CPEB2: variants seen among roughly 807,000 people sequenced by gnomAD.
CPEB2 encodes the protein cytoplasmic polyadenylation element-binding protein 2.
CPEB2 carries 56 observed loss-of-function variants against 93.6 expected under a neutral mutation model. That is an observed-to-expected ratio of 0.60 (90% confidence interval 0.48 to 0.75). The LOEUF is 0.75. Among genes scored for constraint, CPEB2 ranks in the 30% least tolerant of loss-of-function variants. The pLI, the probability that CPEB2 is intolerant of heterozygous loss-of-function variation, is 0.00. For missense variants in CPEB2, 1,579 were observed against 1,395.1 expected, an observed-to-expected ratio of 1.13 and a Z score of -2.10; for synonymous variants, 764 against 586.3, an observed-to-expected ratio of 1.30 and a Z score of -4.38.
rs2108935218 is a variant in CPEB2 at position 15,003,840 on chromosome 4, G to A, written c.1167G>A (p.Ser389=). Residue 389 remains serine, a synonymous_variant, in exon 1 of 12, where the codon TCG becomes TCA. Transcript: ENST00000538197. ...CCCCCTGGTCGGTGCAGACCGCGTC[G>A]CCGCCACCCCAGCCCCAGCAGCCGC... is the stretch of plus-strand genomic sequence containing the variant. The part of the protein sequence containing the change: ...FGTPWSVQTA[S]PPPQPQQPPP... 3 of 900,942 alleles carry A rather than the reference G, an allele frequency of 3.3e-6. No individual in the cohort carries two copies. The highest frequency in any genetic ancestry group is 4.4e-6 in the Non-Finnish European group (3 of 685,964). The allele number at this position is 900,942 out of a possible 1,614,324, so 55.8% of individuals were successfully genotyped here.
At chr4:15,061,315 GT>G (rs1729169185) in intron 10 of CPEB2, among the ~76,000 whole-genome samples, 1 of 152,054 alleles carries the variant, frequency 6.6e-6, no homozygotes. Context: ...ACATTGAAAA[GT>G]TAAGGCGTTT....
In CPEB2 at chr4:15,007,286, A is replaced by G. The variant is rs574028430; in HGVS notation, c.1663-19A>G. 1.1e-5 allele frequency: 16 copies of G among 1,416,206 alleles called. No homozygotes were observed. Among genetic ancestry groups the G allele is most frequent in the Non-Finnish European group, 1.5e-5 (16 of 1,076,856 alleles). 87.7% of individuals were successfully genotyped at this position (1,416,206 alleles called of 1,614,324 possible). A position where few individuals can be genotyped will look rare whatever the true frequency, so the allele number is the denominator to read the frequency against. ...AAATTCTTTAAATGCCGCAATTTAA[A>G]TAGCTATGTTTTCCCTAGCCTCTTC... On this transcript the variant is annotated intron_variant, in intron 1 of 11. Coordinates refer to ENST00000538197, the MANE Select transcript of CPEB2 (RefSeq NM_001177382.2).
rs56945294 is a variant in CPEB2 at position 15,018,936 on chromosome 4, T to TTATATATATATA, written c.2125+1681_2125+1692dup. 1.7e-3 allele frequency among the ~76,000 whole-genome samples: 230 copies of TTATATATATATA among 133,048 alleles called. 1 individual carries two copies. Among genetic ancestry groups the TTATATATATATA allele is most frequent in the African/African-American group, 4.5e-3 (160 of 35,802 alleles). 87.3% of individuals were successfully genotyped at this position (133,048 alleles called of 152,430 possible). On this transcript the variant is annotated intron_variant, in intron 4 of 11. Transcript: ENST00000538197. ...AAGCATTATAAGGCTAAGGGGAATT[T>TTATATATATATA]TATATATATATATATATATATATAT...
intron 11 of CPEB2, among the ~76,000 whole-genome samples, 190 bp from the exon 12 acceptor site, chr4:15,065,960 TTGC>T (rs1729669226): frequency 1.3e-5 from 2 of 152,106 alleles, no homozygotes; most frequent in South Asian, 4.1e-4. Context: ...GTGGAATGTT[TTGC>T]AAATCAGATT....
intron 6 of CPEB2, among the ~76,000 whole-genome samples, chr4:15,041,289 T>G (rs898667851): frequency 4.6e-5 from 7 of 152,160 alleles, no homozygotes; most frequent in African/African-American, 1.7e-4. Flanking sequence ...AATCATGATG[T>G]TTATATTGTT....
intron 4 of CPEB2, among the ~76,000 whole-genome samples, chr4:15,029,992 A>G (rs747053018): frequency 6.6e-6 from 1 of 152,020 alleles, no homozygotes; most frequent in Admixed American, 6.6e-5. Flanking sequence ...TGGGCTATGT[A>G]TGTAGTTTTT....
intron 6 of CPEB2, among the ~76,000 whole-genome samples, chr4:15,046,937 A>T (rs1727760694): frequency 6.6e-6 from 1 of 152,212 alleles, no homozygotes; most frequent in African/African-American, 2.4e-5. Context: ...TTTGCATTTA[A>T]GTCTGTGATC....
At chr4:15,028,051 A>T in intron 4 of CPEB2, among the ~76,000 whole-genome samples, 1 of 152,116 alleles carries the variant, frequency 6.6e-6, no homozygotes, top group Non-Finnish European at 1.5e-5. Context: ...TTCTAATGTG[A>T]TTTAAATGTT....
At chr4:15,054,325 T>C (rs912088919) in intron 8 of CPEB2, 108 bp downstream of exon 8, 1 of 778,456 alleles carries the variant, frequency 1.3e-6, no homozygotes, top group East Asian at 2.6e-5. Context: ...TTGCTATGAT[T>C]TGATAATTTC....
At chr4:15,033,052 C>A in intron 4 of CPEB2, 109 bp from the exon 5 acceptor site, 1 of 688,146 alleles carries the variant, frequency 1.5e-6, no homozygotes, top group Non-Finnish European at 2.5e-6. Context: ...ATATACTGTG[C>A]TCAATAATTT....
chr4:15,027,050 A>G (rs1352255015), intron 4 of CPEB2, among the ~76,000 whole-genome samples: 1 of 152,200 alleles, frequency 6.6e-6, no homozygotes, highest in Non-Finnish European at 1.5e-5. Flanking sequence ...CTTTAATATT[A>G]GTTGAATATA....
chr4:15,029,958 G>T (rs1208054058), intron 4 of CPEB2, among the ~76,000 whole-genome samples: 1 of 151,980 alleles, frequency 6.6e-6, no homozygotes, highest in African/African-American at 2.4e-5. Context: ...TTACATGCAG[G>T]GGTACACTTA....
intron 9 of CPEB2, 95 bp downstream of exon 9, chr4:15,058,634 A>G (rs1728924320): frequency 2.7e-6 from 2 of 739,136 alleles, no homozygotes; most frequent in Middle Eastern, 2.6e-4. Context: ...CAATTAAACT[A>G]CCATGTTGAG....
intron 3 of CPEB2, among the ~76,000 whole-genome samples, chr4:15,016,135 A>G (rs1283003517): frequency 2.0e-5 from 3 of 152,002 alleles, no homozygotes; most frequent in Admixed American, 6.6e-5. Context: ...CTTAATTTTC[A>G]GATTCTTCCT....
At chr4:15,028,328 T>C (rs1725698662) in intron 4 of CPEB2, among the ~76,000 whole-genome samples, 1 of 137,314 alleles carries the variant, frequency 7.3e-6, no homozygotes, top group Admixed American at 7.2e-5. Context: ...TCTTGTTCTA[T>C]GATTTTTTTT....
intron 4 of CPEB2, among the ~76,000 whole-genome samples, chr4:15,026,139 A>T (rs1271406243): frequency 2.0e-5 from 3 of 152,054 alleles, no homozygotes; most frequent in Non-Finnish European, 2.9e-5. Flanking sequence ...TCAAGGGTAG[A>T]TTACTTTTGT....
rs764889821 is a variant in CPEB2, at chr4:15,004,042, A to G, written c.1369A>G (p.Met457Val). The G allele has an allele frequency of 5.8e-6, 9 of 1,564,328 alleles. No individual in the cohort carries two copies. Among genetic ancestry groups the G allele is most frequent in the East Asian group, 5.2e-5 (2 of 38,360 alleles). Residue 457 changes from methionine (M) to valine (V), a missense_variant, in exon 1 of 12, where the codon ATG becomes GTG. Met to Val is a conservative substitution (Grantham distance 21). Coordinates refer to ENST00000538197, the MANE Select transcript of CPEB2 (RefSeq NM_001177382.2). ...NGFYPGLPSS[M>V]NPAFFPSFSP... The stretch of plus-strand genomic sequence containing the variant: ...CTTCTACCCCGGGCTGCCGTCGTCC[A>G]TGAACCCGGCCTTCTTCCCTAGCTT...
intron 1 of CPEB2, chr4:15,005,249 T>A (rs926814724): frequency 6.6e-6 from 1 of 152,294 alleles, no homozygotes; most frequent in Non-Finnish European, 1.5e-5. Context: ...GTTGGGGTCA[T>A]GTTTTGTGGG....
intron 4 of CPEB2, among the ~76,000 whole-genome samples, chr4:15,020,103 A>T (rs1446674815): frequency 6.6e-6 from 1 of 151,950 alleles, no homozygotes; most frequent in African/African-American, 2.4e-5. Context: ...GGGCTGTAAA[A>T]TTTTTCTTAC....
Sources: allele counts gnomAD v4.1 joint callset (sites outside exome capture counted in the v4.1 genomes callset), GRCh38; gene constraint gnomAD v4.1.1; transcripts MANE v1.5; gene names NCBI Gene and HGNC (gene_info 2026-07-23, HGNC 2026-07-21).